Variants in RTL9 observed in about 807,000 individuals in gnomAD.
RTL9 encodes the protein retrotransposon Gag-like protein 9.
RTL9 carries 19 observed loss-of-function variants against 44.7 expected under a neutral mutation model. The ratio of observed to expected loss-of-function variants is 0.42; its 90% CI spans 0.30 to 0.62. RTL9 has a LOEUF of 0.62. Ranked by LOEUF, RTL9 falls within the 20% of genes least tolerant of loss-of-function variation. The pLI is 0.16. For missense variants in RTL9, 1,105 were observed against 1,080.6 expected (o/e 1.02, Z -0.32); for synonymous variants, 407 against 398.9 (o/e 1.02, Z -0.24).
chrX:110,403,234 C>T (rs1009079749), intron 1 of RTL9, among the ~76,000 whole-genome samples: 7 of 112,257 alleles, frequency 6.2e-5, no homozygotes, highest in African/African-American at 2.3e-4. Flanking sequence ...GCAAACCTCA[C>T]AGAGGATGCT....
exon 1 of RTL9, chrX:110,451,090 C>G (rs2068937119): frequency 8.3e-7 from 1 of 1,210,745 alleles, no homozygotes; most frequent in South Asian, 1.8e-5. Context: ...CTAATGGTAG[C>G]ACCAGATTCT....
intron 1 of RTL9, among the ~76,000 whole-genome samples, chrX:110,436,478 A>G (rs970457907): frequency 2.7e-5 from 3 of 112,194 alleles, no homozygotes; most frequent in African/African-American, 9.7e-5. Flanking sequence ...TTTGAGAATC[A>G]TCAGAGTCTA....
At chrX:110,452,106 A>G (rs764213416) in exon 1 of RTL9, 1 of 1,211,846 alleles carries the variant, frequency 8.3e-7, no homozygotes, top group East Asian at 3.0e-5. Context: ...CTCTGGAAAG[A>G]TGTCCACGCC....
chrX:110,454,898 A>G (rs954255707), intron 1 of RTL9, among the ~76,000 whole-genome samples: 2 of 111,552 alleles, frequency 1.8e-5, no homozygotes, highest in Non-Finnish European at 3.8e-5. Flanking sequence ...AACGTGGGAT[A>G]GTTGAAGTAC....
exon 1 of RTL9, chrX:110,453,619 T>G (rs770467522): frequency 4.1e-6 from 5 of 1,210,782 alleles, no homozygotes; most frequent in African/African-American, 3.5e-5. Context: ...TCTAGATCTA[T>G]GTCCTTGTCA....
At chrX:110,452,813 C>A in exon 1 of RTL9, 1 of 1,211,897 alleles carries the variant, frequency 8.3e-7, no homozygotes, top group Non-Finnish European at 1.1e-6. Context: ...GAGGGATGTC[C>A]ATGTCGCCCA....
chrX:110,410,184 T>C (rs1273287915), intron 1 of RTL9, among the ~76,000 whole-genome samples: 1 of 111,133 alleles, frequency 9.0e-6, no homozygotes, highest in African/African-American at 3.3e-5. Context: ...GAGTTGGAAA[T>C]GGAACTCAGG....
At chrX:110,404,292 T>G (rs1195551056) in intron 1 of RTL9, among the ~76,000 whole-genome samples, 2 of 111,861 alleles carry the variant, frequency 1.8e-5, no homozygotes, top group African/African-American at 6.5e-5. Context: ...TCTTCTGAAG[T>G]CTTTACAGGT....
chrX:110,418,396 C>T (rs149583737), upstream of RTL9, among the ~76,000 whole-genome samples: 734 of 112,254 alleles, frequency 6.5e-3, 6 homozygotes, highest in African/African-American at 0.023. Context: ...AAGAAAACAA[C>T]TCAATTCCTC....
chrX:110,454,740 C>T (rs1217463973), intron 1 of RTL9, 76 bp downstream of exon 3: 2 of 912,875 alleles, frequency 2.2e-6, no homozygotes, highest in Non-Finnish European at 3.0e-6. Flanking sequence ...CATCCTGCTT[C>T]CTTGAGTAGA....
upstream of RTL9, among the ~76,000 whole-genome samples, chrX:110,445,724 C>T (rs1377078508): frequency 8.9e-6 from 1 of 112,064 alleles, no homozygotes; most frequent in African/African-American, 3.2e-5. Context: ...ATTCTTATTT[C>T]CCTGAGCAGC....
At chrX:110,417,470 G>A (rs1462525478), upstream of RTL9, among the ~76,000 whole-genome samples, 3 of 110,135 alleles carry the variant, frequency 2.7e-5, no homozygotes, top group Non-Finnish European at 5.6e-5. Flanking sequence ...GTGTGCAGAC[G>A]CAAATGAGCA....
intron 1 of RTL9, among the ~76,000 whole-genome samples, chrX:110,375,162 T>C: frequency 9.0e-6 from 1 of 111,505 alleles, no homozygotes; most frequent in Non-Finnish European, 1.9e-5. Flanking sequence ...GTAATAAAAC[T>C]GGAATTGCAA....
intron 1 of RTL9, among the ~76,000 whole-genome samples, chrX:110,388,161 A>G (rs56975283): frequency 0.17 from 18,629 of 111,346 alleles, 2,835 homozygotes; most frequent in African/African-American, 0.49. Flanking sequence ...GCCACCGCCC[A>G]GCCTGATCAT....
intron 1 of RTL9, among the ~76,000 whole-genome samples, chrX:110,409,920 T>G (rs1436608044): frequency 2.7e-5 from 3 of 111,762 alleles, no homozygotes; most frequent in African/African-American, 9.8e-5. Context: ...ATCCCAAACC[T>G]GGCTGTACAA....
intron 1 of RTL9, among the ~76,000 whole-genome samples, chrX:110,411,601 T>C (rs1276426546): frequency 8.9e-6 from 1 of 112,050 alleles, no homozygotes. Flanking sequence ...ATGATAGATT[T>C]GACTATGCAA....
At chrX:110,367,413 GT>G (rs1302564911) in intron 1 of RTL9, among the ~76,000 whole-genome samples, 1 of 111,600 alleles carries the variant, frequency 9.0e-6, no homozygotes. Context: ...TATCTCCTCA[GT>G]ATTAAATTCA....
At chrX:110,455,408 T>C in exon 2 of RTL9, 11 of 1,095,674 alleles carry the variant, frequency 1.0e-5, no homozygotes, top group Non-Finnish European at 1.4e-5. Flanking sequence ...AACTACATTA[T>C]AAACCTTGTT....
At chrX:110,450,572 C>A in exon 1 of RTL9, 1 of 1,102,086 alleles carries the variant, frequency 9.1e-7, no homozygotes, top group Non-Finnish European at 1.2e-6. Flanking sequence ...TACAGATTTT[C>A]TTGCCTCCTG....
Sources: allele counts gnomAD v4.1 joint callset (sites outside exome capture counted in the v4.1 genomes callset), GRCh38; gene constraint gnomAD v4.1.1; transcripts MANE v1.5; gene names NCBI Gene and HGNC (gene_info 2026-07-23, HGNC 2026-07-21).